The following CACNA1A variants were observed in gnomAD, a reference collection of about 807,000 sequenced individuals.
The protein encoded by CACNA1A is voltage-dependent P/Q-type calcium channel subunit alpha-1A.
Under a neutral mutation model 262.4 loss-of-function variants are expected in CACNA1A, and 57 were observed. The ratio of observed to expected loss-of-function variants is 0.22; its 90% CI spans 0.18 to 0.27. The LOEUF (loss-of-function observed/expected upper bound fraction) is 0.27, where lower values mean the gene tolerates loss of function less well. Ranked by LOEUF, CACNA1A falls within the 10% of genes least tolerant of loss-of-function variation. The pLI, the probability that CACNA1A is intolerant of heterozygous loss-of-function variation, is 1.00. For missense variants in CACNA1A, 2,526 were observed against 3,562.8 expected (o/e 0.71, Z 7.41); for synonymous variants, 1,431 against 1,419.3 (o/e 1.01, Z -0.18).
chr19:13,300,093 C>T (rs10403014), intron 18 of CACNA1A, among the ~76,000 whole-genome samples: 33,406 of 152,086 alleles, frequency 0.22, 4,423 homozygotes, highest in South Asian at 0.29. Flanking sequence ...TAATAGGCCT[C>T]GGCCTGGTAC....
At chr19:13,446,329 C>G (rs1361333037) in intron 3 of CACNA1A, among the ~76,000 whole-genome samples, 3 of 151,180 alleles carry the variant, frequency 2.0e-5, no homozygotes, top group Non-Finnish European at 4.4e-5. Flanking sequence ...ATATTTGAGT[C>G]CCCTCCTCTC....
At chr19:13,411,365 G>C (rs761891318) in intron 3 of CACNA1A, among the ~76,000 whole-genome samples, 18 of 152,148 alleles carry the variant, frequency 1.2e-4, no homozygotes, top group Non-Finnish European at 1.5e-4. Context: ...GCGGCGCCAG[G>C]TGGAGATAAC....
At chr19:13,467,960 T>C (rs769821194) in intron 1 of CACNA1A, among the ~76,000 whole-genome samples, 1 of 136,314 alleles carries the variant, frequency 7.3e-6, no homozygotes, top group African/African-American at 3.2e-5. Context: ...TTTTAAAAAG[T>C]GAGATGAGTG....
intron 3 of CACNA1A, among the ~76,000 whole-genome samples, chr19:13,416,258 G>A (rs1213801259): frequency 2.0e-5 from 3 of 148,442 alleles, no homozygotes; most frequent in South Asian, 2.2e-4. Flanking sequence ...GCACCACCAC[G>A]CCTGGCTAAT....
intron 24 of CACNA1A, 42 bp downstream of exon 24, chr19:13,275,808 T>C (rs749619627): frequency 7.5e-7 from 1 of 1,337,110 alleles, no homozygotes; most frequent in Non-Finnish European, 1.1e-6. Context: ...GGCTGGGGGT[T>C]GGGGGAAAAG....
chr19:13,428,035 G>A (rs1045286557), intron 3 of CACNA1A, among the ~76,000 whole-genome samples: 5 of 152,144 alleles, frequency 3.3e-5, no homozygotes, highest in Admixed American at 6.5e-5. Context: ...GGGTTCAAGC[G>A]ATTCTCCTAC....
intron 19 of CACNA1A, among the ~76,000 whole-genome samples, chr19:13,291,718 G>C (rs1031191260): frequency 1.3e-5 from 2 of 151,588 alleles, no homozygotes; most frequent in Admixed American, 1.3e-4. Flanking sequence ...GAGGTGGGAA[G>C]ATCATTTGAG....
chr19:13,494,075 C>T (rs976525266), intron 1 of CACNA1A, among the ~76,000 whole-genome samples: 5 of 152,246 alleles, frequency 3.3e-5, no homozygotes, highest in African/African-American at 1.2e-4. Context: ...GACATACAAG[C>T]TCCATGATAC....
At chr19:13,240,780 C>T (rs4926240) in intron 31 of CACNA1A, among the ~76,000 whole-genome samples, 31,686 of 148,600 alleles carry the variant, frequency 0.21, 3,484 homozygotes, top group Middle Eastern at 0.36. Flanking sequence ...ACAGTGTGTG[C>T]GCAGTGACTG....
At chr19:13,364,100 C>T (rs944993710) in intron 5 of CACNA1A, 1 of 152,276 alleles carries the variant, frequency 6.6e-6, no homozygotes, top group Admixed American at 6.6e-5. Flanking sequence ...TCACCCTACC[C>T]CCAGACCCAG....
intron 3 of CACNA1A, among the ~76,000 whole-genome samples, chr19:13,438,220 C>T (rs777221862): frequency 6.6e-6 from 1 of 152,198 alleles, no homozygotes; most frequent in Non-Finnish European, 1.5e-5. Flanking sequence ...TGAGGGCCCA[C>T]AGAAGTCAGG....
intron 30 of CACNA1A, among the ~76,000 whole-genome samples, chr19:13,251,938 G>A (rs2056409048): frequency 6.6e-6 from 1 of 151,714 alleles, no homozygotes; most frequent in Non-Finnish European, 1.5e-5. Flanking sequence ...CTAATTTTTT[G>A]TAGTTTTAGT....
intron 3 of CACNA1A, among the ~76,000 whole-genome samples, chr19:13,420,154 T>G (rs1033058668): frequency 6.6e-6 from 1 of 151,836 alleles, no homozygotes; most frequent in African/African-American, 2.4e-5. Context: ...TTGGAATTTT[T>G]GGGCAGGGGT....
intron 1 of CACNA1A, among the ~76,000 whole-genome samples, chr19:13,475,785 G>A (rs992899935): frequency 1.3e-5 from 2 of 152,116 alleles, no homozygotes; most frequent in East Asian, 3.8e-4. Flanking sequence ...GGGGCAGAAG[G>A]AACAAGGGAA....
Position 13,380,404 on chromosome 19 carries a change from G to C in CACNA1A, c.540-8625C>G, listed in dbSNP as rs192835534. Among the ~76,000 whole-genome samples the C allele has an allele frequency of 5.3e-5, 8 of 151,438 alleles. No homozygotes were observed. The South Asian group carries it at 1.5e-3, about 28-fold the overall frequency. On this transcript the variant is annotated intron_variant, in intron 3 of 46. Coordinates refer to ENST00000360228, the MANE Select transcript of CACNA1A (RefSeq NM_001127222.2). ...CTCATGCCTGTAATCCCAGCACTTT[G>C]GGAGGCCGACGCAGGCAGATCACTT... is the stretch of plus-strand genomic sequence containing the variant.
intron 3 of CACNA1A, among the ~76,000 whole-genome samples, chr19:13,397,328 T>C (rs1405249041): frequency 6.6e-6 from 1 of 152,088 alleles, no homozygotes; most frequent in East Asian, 1.9e-4. Flanking sequence ...CTTCACCCCA[T>C]TGTAAGGCAA....
rs777397078 is a variant in CACNA1A, at chr19:13,298,968, C to T, written c.2665G>A (p.Ala889Thr). Residue 889 changes from alanine to threonine, a missense_variant, in exon 19 of 47, where the codon GCC becomes ACC. This residue lies in a region of CACNA1A where 765 missense variants were observed against 748.6 expected (regional missense o/e 1.02). Transcript: ENST00000360228. ...TAGGGTCCCTCCCGGCTCAGCTCGG[C>T]CTCCTGGCTTCCCGCCCAGGGCCTC... ...ARRPWAGSQE[A>T]ELSREGPYGR... The T allele has an allele frequency of 2.5e-6, 4 of 1,585,760 alleles. No homozygotes were observed. Among genetic ancestry groups the T allele is most frequent in the East Asian group, 2.3e-5 (1 of 44,084 alleles).
rs565041545 is a variant in CACNA1A at position 13,386,018 on chromosome 19, A to G, written c.540-14239T>C. 7.9e-5 allele frequency among the ~76,000 whole-genome samples: 12 copies of G among 152,132 alleles called. No individual in the cohort carries two copies. In the East Asian group the frequency reaches 2.3e-3, roughly 29 times the overall value. The stretch of plus-strand genomic sequence containing the variant: ...CAAAAAATATAAAAATTAGCCGGCC[A>G]TGGTGGTACACTCCTCCAGCTGCTC... On this transcript the variant is annotated intron_variant, in intron 3 of 46. Transcript: ENST00000360228.
chr19:13,253,816 T>C (rs1600177016), intron 29 of CACNA1A, among the ~76,000 whole-genome samples: 2 of 152,138 alleles, frequency 1.3e-5, no homozygotes, highest in South Asian at 4.2e-4. Flanking sequence ...CTCAGCTCAC[T>C]GCAACTTCCG....
Sources: allele counts gnomAD v4.1 joint callset (sites outside exome capture counted in the v4.1 genomes callset), GRCh38; gene constraint gnomAD v4.1.1; regional missense constraint gnomAD v4.1.1; transcripts MANE v1.5; gene names NCBI Gene and HGNC (gene_info 2026-07-23, HGNC 2026-07-21).